The following TNIK variants were observed in gnomAD, a reference collection of about 807,000 sequenced individuals.
TNIK encodes the protein TRAF2 and NCK-interacting protein kinase.
A neutral mutation model predicts 191.3 loss-of-function variants in TNIK; 49 were observed. The ratio of observed to expected loss-of-function variants is 0.26; its 90% confidence interval spans 0.20 to 0.32. The LOEUF (loss-of-function observed/expected upper bound fraction) is 0.32, where lower values mean the gene tolerates loss of function less well. Ranked by LOEUF, TNIK falls within the 10% of genes least tolerant of loss-of-function variation. The pLI is 1.00. For synonymous variants in TNIK, 594 were observed against 600.9 expected (o/e 0.99, Z 0.17); for missense variants, 1,155 against 1,702.3 (o/e 0.68, Z 5.66).
At position 171,140,388 on chromosome 3, in the gene TNIK, C is replaced by A; in HGVS notation, c.1332+11G>T. The A allele has an allele frequency of 6.5e-7, 1 of 1,540,756 alleles. No individual in the cohort carries two copies. The highest frequency in any genetic ancestry group is 8.7e-7 in the Non-Finnish European group (1 of 1,144,428). On this transcript the variant is annotated intron_variant, in intron 13 of 32. Transcript: ENST00000436636. ...GGGGGCCATCAGTGGGGCTCCTGGT[C>A]CCAGCTGTACCTGTTCATGCTCCGC...
At chr3:171,380,378 G>T (rs10936679) in intron 1 of TNIK, among the ~76,000 whole-genome samples, 59,452 of 152,018 alleles carry the variant, frequency 0.39, 13,458 homozygotes, top group East Asian at 0.91. Context: ...AAAGACAAGA[G>T]CTGGTTACCT....
chr3:171,073,500 A>G (rs914357871), intron 28 of TNIK, among the ~76,000 whole-genome samples: 1 of 152,212 alleles, frequency 6.6e-6, no homozygotes, highest in African/African-American at 2.4e-5. Context: ...AGCAAATGCA[A>G]CAAAAACAAA....
intron 16 of TNIK, among the ~76,000 whole-genome samples, chr3:171,126,897 C>T (rs1274436666): frequency 1.3e-5 from 2 of 152,224 alleles, no homozygotes; most frequent in African/African-American, 2.4e-5. Context: ...AGTCTTTCAG[C>T]GAAGTTGTGG....
chr3:171,459,675 TACACACACACACAC>T (rs58614773), intron 1 of TNIK, among the ~76,000 whole-genome samples: 1 of 146,232 alleles, frequency 6.8e-6, no homozygotes, highest in African/African-American at 2.5e-5. Flanking sequence ...CCGGGGCGTG[TACACACACACACAC>T]ACACACACAC....
intron 22 of TNIK, among the ~76,000 whole-genome samples, chr3:171,098,575 A>T (rs1723032331): frequency 1.3e-5 from 2 of 152,190 alleles, no homozygotes; most frequent in South Asian, 4.1e-4. Flanking sequence ...ATTGTTTTAA[A>T]CATCAGAAAC....
In TNIK at chr3:171,242,030, G is replaced by C. The variant is rs546753799; in HGVS notation, c.124-13809C>G. Reference sequence around the variant, plus strand: ...GGGCCTGTTGTGGGGTGGGGGGAAGGGGGAGGGATAGCATTAGGAGATACA... The same window carrying C: ...GGGCCTGTTGTGGGGTGGGGGGAAGCGGGAGGGATAGCATTAGGAGATACA... On this transcript the variant is annotated intron_variant, in intron 2 of 32. Coordinates refer to ENST00000436636, the MANE Select transcript of TNIK (RefSeq NM_015028.4). 4.6e-5 allele frequency among the ~76,000 whole-genome samples: 7 copies of C among 151,950 alleles called. No individual in the cohort carries two copies. In the East Asian group the frequency reaches 1.2e-3, roughly 25 times the overall value.
At chr3:171,295,518 CT>C (rs1378172810) in intron 2 of TNIK, among the ~76,000 whole-genome samples, 1 of 152,236 alleles carries the variant, frequency 6.6e-6, no homozygotes, top group African/African-American at 2.4e-5. Flanking sequence ...ACTGCCCTTT[CT>C]TTCCCAGCAG....
rs888900656 is a variant in TNIK, at chr3:171,166,318, G to A, written c.949+777C>T. On this transcript the variant is annotated intron_variant, in intron 10 of 32. Transcript: ENST00000436636. ...CCAACCTTAGTTTCACTTTTCTTTG[G>A]CTTGCATTTTGTCTCATTTGGCAGC... 2.6e-5 allele frequency among the ~76,000 whole-genome samples: 4 copies of A among 152,164 alleles called. No homozygotes were observed. In the East Asian group the frequency reaches 7.7e-4, roughly 29 times the overall value.
At chr3:171,283,160 T>TAA (rs3215113) in intron 2 of TNIK, among the ~76,000 whole-genome samples, 54 of 141,950 alleles carry the variant, frequency 3.8e-4, no homozygotes, top group African/African-American at 4.9e-4. Context: ...ATACCTACTT[T>TAA]AAAAAAAAAA....
At chr3:171,140,604 AC>A in intron 12 of TNIK, 95 bp from the exon 13 acceptor site, 1 of 1,145,108 alleles carries the variant, frequency 8.7e-7, no homozygotes, top group Non-Finnish European at 1.3e-6. Context: ...CCAGACATGA[AC>A]TTTTAATGAG....
At chr3:171,199,856 T>G (rs1025813259) in intron 4 of TNIK, among the ~76,000 whole-genome samples, 12 of 152,268 alleles carry the variant, frequency 7.9e-5, no homozygotes, top group African/African-American at 2.9e-4. Context: ...GATGTTTCTA[T>G]TCTTTGGTCT....
chr3:171,380,144 G>A (rs768324601), intron 1 of TNIK, among the ~76,000 whole-genome samples: 2 of 152,024 alleles, frequency 1.3e-5, no homozygotes, highest in African/African-American at 2.4e-5. Context: ...CCATCATCAG[G>A]TTGTTGCAGA....
intron 2 of TNIK, among the ~76,000 whole-genome samples, chr3:171,368,955 C>A: frequency 7.0e-6 from 1 of 142,302 alleles, no homozygotes; most frequent in Non-Finnish European, 1.5e-5. Context: ...TTTTTTTTGA[C>A]AATCAGAAAA....
chr3:171,456,266 G>A (rs1038829), intron 1 of TNIK, among the ~76,000 whole-genome samples: 152,324 of 152,326 alleles, frequency 1, 76,161 homozygotes, highest in Non-Finnish European at 1. Context: ...GGCTGAGCTC[G>A]CCTCATATGT....
chr3:171,264,079 C>T (rs1237820111), intron 2 of TNIK, among the ~76,000 whole-genome samples: 2 of 100,162 alleles, frequency 2.0e-5, no homozygotes, highest in Admixed American at 9.6e-5. Context: ...CACACACACA[C>T]ACACACACAC....
At chr3:171,325,667 C>T (rs941274416) in intron 2 of TNIK, among the ~76,000 whole-genome samples, 4 of 150,954 alleles carry the variant, frequency 2.6e-5, no homozygotes, top group African/African-American at 9.7e-5. Flanking sequence ...TTTTATCTGG[C>T]AACTTTAATT....
chr3:171,113,770 G>A (rs1388747420), intron 18 of TNIK, among the ~76,000 whole-genome samples: 1 of 151,944 alleles, frequency 6.6e-6, no homozygotes, highest in Non-Finnish European at 1.5e-5. Flanking sequence ...ACTGGGTCAA[G>A]CATTTGAGAT....
intron 23 of TNIK, among the ~76,000 whole-genome samples, chr3:171,091,954 C>CTTTT (rs749686909): frequency 6.9e-6 from 1 of 144,296 alleles, no homozygotes; most frequent in Non-Finnish European, 1.5e-5. Flanking sequence ...TTCTTTCTTT[C>CTTTT]TTTTTTTTTT....
At chr3:171,108,486 C>T (rs1163980454) in intron 19 of TNIK, among the ~76,000 whole-genome samples, 7 of 152,142 alleles carry the variant, frequency 4.6e-5, no homozygotes, top group Non-Finnish European at 1.0e-4. Context: ...TCACTCCAAC[C>T]CAATGATATG....
Sources: gnomAD v4.1 joint callset for allele counts (sites outside exome capture counted in the v4.1 genomes callset) on GRCh38, gnomAD v4.1.1 for gene constraint, MANE v1.5 for transcripts, NCBI Gene and HGNC (gene_info 2026-07-23, HGNC 2026-07-21) for gene names.